Variants in ME3 observed in about 807,000 individuals in gnomAD.
ME3 encodes malic enzyme 3.
ME3 carries 48 observed loss-of-function variants against 68.9 expected under a neutral mutation model. The ratio of observed to expected loss-of-function variants is 0.70; its 90% CI spans 0.55 to 0.89. ME3 has a LOEUF of 0.89. Among genes scored for constraint, ME3 ranks in the 40% least tolerant of loss-of-function variants. ME3 has a pLI of 0.00. For missense variants in ME3, 675 were observed against 797.4 expected, an observed-to-expected ratio of 0.85 and a Z score of 1.85; for synonymous variants, 320 against 318.8, an observed-to-expected ratio of 1.00 and a Z score of -0.04.
chr11:86,466,948 C>T (rs1381894798), intron 7 of ME3, among the ~76,000 whole-genome samples: 1 of 152,184 alleles, frequency 6.6e-6, no homozygotes, highest in Non-Finnish European at 1.5e-5. Flanking sequence ...TCAGTGGGCA[C>T]AATAATATCT....
chr11:86,667,689 CA>C (rs1240907924), intron 2 of ME3: 1 of 152,116 alleles, frequency 6.6e-6, no homozygotes, highest in Admixed American at 6.5e-5. Context: ...TGTGATAAGA[CA>C]AATAGGAGGG....
intron 2 of ME3, among the ~76,000 whole-genome samples, chr11:86,566,206 A>ATG (rs1957473406): frequency 6.6e-6 from 1 of 152,236 alleles, no homozygotes; most frequent in Non-Finnish European, 1.5e-5. Context: ...TGGCCTGCTA[A>ATG]TGTAACCCCT....
Position 86,446,396 on chromosome 11 carries a change from TA to T in ME3, c.1471del (p.Tyr491ThrfsTer25). 1 of 1,614,180 alleles carries T rather than the reference TA, an allele frequency of 6.2e-7. No homozygotes were observed. Among genetic ancestry groups the T allele is most frequent in the Middle Eastern group, 1.6e-4 (1 of 6,062 alleles). ...TCCCAGTGCCACCCCGGGGAACACGTAAGCATTGTTTCCCTGCCCAGGAATG... is the reference window on the plus strand; with the variant it reads ...TCCCAGTGCCACCCCGGGGAACACGTAGCATTGTTTCCCTGCCCAGGAATG... On this transcript the variant is annotated frameshift_variant, in exon 13 of 15. Coordinates refer to ENST00000543262, the Ensembl canonical transcript of ME3. LOFTEE classifies it high-confidence loss of function.
chr11:86,615,612 A>G (rs1395024639), intron 2 of ME3, among the ~76,000 whole-genome samples: 1 of 152,172 alleles, frequency 6.6e-6, no homozygotes, highest in Non-Finnish European at 1.5e-5. Context: ...TGCTTTCAGA[A>G]AGCTATTGAG....
intron 2 of ME3, among the ~76,000 whole-genome samples, chr11:86,661,397 G>C (rs1406020301): frequency 6.6e-6 from 1 of 152,200 alleles, no homozygotes; most frequent in Non-Finnish European, 1.5e-5. Flanking sequence ...AAAAGTGAGG[G>C]AAAGAACAAA....
intron 2 of ME3, among the ~76,000 whole-genome samples, chr11:86,662,604 A>ATT (rs1946352873): frequency 1.3e-5 from 2 of 152,164 alleles, no homozygotes; most frequent in African/African-American, 4.8e-5. Context: ...CTGTAAAAAA[A>ATT]TAAAAATGAA....
In ME3 at chr11:86,449,885, G is replaced by A; in HGVS notation, c.1131+4C>T. 6.2e-7 allele frequency: 1 copy of A among 1,608,914 alleles called. No individual in the cohort carries two copies. The highest frequency in any genetic ancestry group is 8.5e-7 in the Non-Finnish European group (1 of 1,176,220). ...AAACCTCCAGGTCTCCAGACTGACAGTACCTTGACAATGAGCCCTTTAGAG... is the reference window on the plus strand; with the variant it reads ...AAACCTCCAGGTCTCCAGACTGACAATACCTTGACAATGAGCCCTTTAGAG... On this transcript the variant is annotated splice_donor_region_variant and intron_variant, in intron 10 of 14. Coordinates refer to ENST00000543262, the Ensembl canonical transcript of ME3.
In ME3 at chr11:86,528,432, C is replaced by T. The variant is rs1201092527; in HGVS notation, c.468-19565G>A. On this transcript the variant is annotated intron_variant, in intron 4 of 14. Coordinates refer to ENST00000543262, the Ensembl canonical transcript of ME3. Reference sequence around the variant, plus strand: ...GGAGAGTTTAGCATCCCACTGTCAACATTAGACAGATCAATGAGACAGAAA... The same window carrying T: ...GGAGAGTTTAGCATCCCACTGTCAATATTAGACAGATCAATGAGACAGAAA... 2.0e-5 allele frequency among the ~76,000 whole-genome samples: 3 copies of T among 152,130 alleles called. No individual in the cohort carries two copies. The South Asian group carries it at 6.2e-4, about 32-fold the overall frequency.
At position 86,536,064 on chromosome 11, in the gene ME3, T is replaced by C. The variant is rs544127305; in HGVS notation, c.467+20489A>G. Among the ~76,000 whole-genome samples, 27 of 152,294 alleles carry C rather than the reference T, an allele frequency of 1.8e-4. No homozygotes were observed. The South Asian group carries it at 3.5e-3, about 20-fold the overall frequency. On this transcript the variant is annotated intron_variant, in intron 4 of 14. Transcript: ENST00000543262. ...CTCCAACCCTAGATTCAGCTATATC[T>C]CTATTTGTACAGGTTTGGGGAGTCA...
At chr11:86,478,589 A>G (rs1236271470) in intron 7 of ME3, among the ~76,000 whole-genome samples, 2 of 152,194 alleles carry the variant, frequency 1.3e-5, no homozygotes, top group East Asian at 3.8e-4. Context: ...TTGTTGCTCA[A>G]GAACCTACCA....
rs529556957 is a variant in ME3, at chr11:86,608,540, T to C, written c.184-48717A>G. ...GTTTTGCTCAGTCAGAGCAATGGAC[T>C]CAAATTCCCTCTCAGCTCCCTCTAG... On this transcript the variant is annotated intron_variant, in intron 2 of 14. Coordinates refer to ENST00000543262, the Ensembl canonical transcript of ME3. Among the ~76,000 whole-genome samples the C allele has an allele frequency of 3.9e-5, 6 of 152,276 alleles. No individual in the cohort carries two copies. The East Asian group carries it at 1.2e-3, about 29-fold the overall frequency.
intron 2 of ME3, among the ~76,000 whole-genome samples, chr11:86,649,006 C>A (rs1220438382): frequency 2.1e-5 from 3 of 143,152 alleles, no homozygotes; most frequent in Non-Finnish European, 3.0e-5. Context: ...GTCAGAGACA[C>A]AACAAAAAAA....
intron 7 of ME3, among the ~76,000 whole-genome samples, chr11:86,483,408 A>G (rs905075470): frequency 2.0e-5 from 3 of 152,198 alleles, no homozygotes; most frequent in Admixed American, 2.0e-4. Flanking sequence ...CAGAGAGGCC[A>G]AGGGCTGTCT....
intron 8 of ME3, among the ~76,000 whole-genome samples, chr11:86,456,523 T>C (rs763980760): frequency 7.9e-5 from 12 of 152,024 alleles, no homozygotes; most frequent in Non-Finnish European, 1.3e-4. Context: ...CAAGGAAACC[T>C]GGGGGTTTCC....
intron 7 of ME3, among the ~76,000 whole-genome samples, chr11:86,469,546 G>C (rs909821642): frequency 1.3e-5 from 2 of 152,232 alleles, no homozygotes; most frequent in African/African-American, 4.8e-5. Flanking sequence ...GCAGCCTGAT[G>C]TCTATCCTTC....
chr11:86,582,944 A>C (rs1748634627), intron 2 of ME3, among the ~76,000 whole-genome samples: 1 of 152,094 alleles, frequency 6.6e-6, no homozygotes, highest in South Asian at 2.1e-4. Flanking sequence ...AGAAGCTTCA[A>C]GTTAAGTATC....
intron 4 of ME3, among the ~76,000 whole-genome samples, chr11:86,534,898 G>A (rs1301706830): frequency 6.6e-6 from 1 of 151,168 alleles, no homozygotes; most frequent in Non-Finnish European, 1.5e-5. Context: ...GCTTCTTGCA[G>A]GAGAAGAACT....
intron 5 of ME3, among the ~76,000 whole-genome samples, chr11:86,498,818 A>G (rs985530496): frequency 6.6e-6 from 1 of 152,244 alleles, no homozygotes; most frequent in Non-Finnish European, 1.5e-5. Context: ...TTGTATTATT[A>G]TAATGGATAT....
chr11:86,492,719 C>CTGTT (rs1218801190), intron 6 of ME3, among the ~76,000 whole-genome samples: 1 of 152,230 alleles, frequency 6.6e-6, no homozygotes, highest in African/African-American at 2.4e-5. Context: ...CTCTCTATGG[C>CTGTT]TGTTTGCCCA....
Sources: gnomAD v4.1 joint callset for allele counts (sites outside exome capture counted in the v4.1 genomes callset) on GRCh38, gnomAD v4.1.1 for gene constraint, MANE v1.5 for transcripts, NCBI Gene and HGNC (gene_info 2026-07-23, HGNC 2026-07-21) for gene names.